The following SLC12A7 variants were observed in gnomAD, a reference collection of about 807,000 sequenced individuals.
The protein encoded by SLC12A7 is K-Cl cotransporter 4.
In SLC12A7, 100 loss-of-function variants were observed where a neutral mutation model predicts 120.6. The ratio of observed to expected loss-of-function variants is 0.83; its 90% confidence interval spans 0.71 to 0.98. The LOEUF (loss-of-function observed/expected upper bound fraction) is 0.98. Ranked by LOEUF, SLC12A7 falls within the 50% of genes least tolerant of loss-of-function variation. The probability of loss-of-function intolerance (pLI) is 0.00; values close to 1 mark genes in which losing one functional copy is unlikely to be tolerated. For synonymous variants in SLC12A7, 760 were observed against 678.0 expected (o/e 1.12, Z -1.88); for missense variants, 1,373 against 1,548.1 (o/e 0.89, Z 1.90).
chr5:1,108,871 G>A (rs1742770415), intron 1 of SLC12A7, among the ~76,000 whole-genome samples: 1 of 152,172 alleles, frequency 6.6e-6, no homozygotes, highest in East Asian at 1.9e-4. Flanking sequence ...CACTGACCAC[G>A]CAACCGGGCC....
chr5:1,081,660 C>G lies in SLC12A7; in HGVS notation c.1214G>C (p.Arg405Pro). 1 of 1,613,130 alleles carries G rather than the reference C, an allele frequency of 6.2e-7. No homozygotes were observed. The highest frequency in any genetic ancestry group is 8.5e-7 in the Non-Finnish European group (1 of 1,179,968). The change falls in exon 9 of 24, where the codon CGT becomes CCT. Residue 405 changes from arginine to proline, a missense_variant. By Grantham distance (103) the Arg-to-Pro change is moderately radical (BLOSUM62 -2). Coordinates refer to ENST00000264930, the MANE Select transcript of SLC12A7 (RefSeq NM_006598.3). ...VPSVPVAEES[R>P]ASALPYVLTD... ...GAGCACGTAGGGCAGTGCGCTGGCA[C>G]GGCTCTCCTCTGCCACGGGCACCGA...
chr5:1,065,788 C>G (rs1579335733), intron 17 of SLC12A7, among the ~76,000 whole-genome samples: 5 of 152,254 alleles, frequency 3.3e-5, no homozygotes, highest in South Asian at 4.1e-4. Context: ...ATCCCAGACC[C>G]ACCCCCAGTT....
At chr5:1,057,201 G>A in intron 22 of SLC12A7, 1 of 448,860 alleles carries the variant, frequency 2.2e-6, no homozygotes, top group Non-Finnish European at 3.9e-6. Flanking sequence ...GGACCCCTCA[G>A]CACTTGGCAC....
chr5:1,091,997 C>T (rs1471101353), intron 3 of SLC12A7, among the ~76,000 whole-genome samples: 3 of 152,216 alleles, frequency 2.0e-5, no homozygotes, highest in African/African-American at 7.2e-5. Context: ...AGAGATGCAG[C>T]TTCTGAAGAG....
upstream of SLC12A7, among the ~76,000 whole-genome samples, chr5:1,114,196 A>C (rs1176962123): frequency 6.6e-6 from 1 of 152,214 alleles, no homozygotes; most frequent in African/African-American, 2.4e-5. Context: ...AATCTTGACT[A>C]GGACCAGGGG....
In SLC12A7 at chr5:1,051,301, G is replaced by A. The variant is rs547880862; in HGVS notation, c.*1059C>T. The A allele has an allele frequency of 5.4e-6, 1 of 183,884 alleles. No homozygotes were observed. Among genetic ancestry groups the A allele is most frequent in the East Asian group, 1.3e-4 (1 of 7,866 alleles). 11.4% of individuals were successfully genotyped at this position (183,884 alleles called of 1,614,324 possible). ...TGCTGCCTGAGGACCTCCCACGTCG[G>A]GTCCGTGTCCTCCTTCCCTGGAGCA... is the stretch of plus-strand genomic sequence containing the variant. On this transcript the variant is annotated 3_prime_UTR_variant, in exon 24 of 24. Coordinates refer to ENST00000264930, the MANE Select transcript of SLC12A7 (RefSeq NM_006598.3).
chr5:1,079,702 G>A lies in SLC12A7; in HGVS notation c.1298-206C>T, dbSNP rs371925851. 2.9e-3 allele frequency among the ~76,000 whole-genome samples: 441 copies of A among 152,282 alleles called. 3 individuals are homozygous for A. Among genetic ancestry groups the A allele is most frequent in the African/African-American group, 9.7e-3 (403 of 41,544 alleles). On this transcript the variant is annotated intron_variant, in intron 9 of 23. Coordinates refer to ENST00000264930, the MANE Select transcript of SLC12A7 (RefSeq NM_006598.3). The stretch of plus-strand genomic sequence containing the variant: ...CCCAGGCACGCGGATGAGCACCCAC[G>A]TCTACTGCTCCCCTGGATCCGAGGA...
At position 1,073,851 on chromosome 5, in the gene SLC12A7, C is replaced by T. The variant is rs180844221; in HGVS notation, c.2073-50G>A. On this transcript the variant is annotated intron_variant, in intron 16 of 23. Transcript: ENST00000264930. ...TACCACGGCAACGCTTACCAGGGCACGGCCCATCAACAGGCAGGGCAGATG... is the reference window on the plus strand; with the variant it reads ...TACCACGGCAACGCTTACCAGGGCATGGCCCATCAACAGGCAGGGCAGATG... 1,096 of 1,343,130 alleles carry T rather than the reference C, an allele frequency of 8.2e-4. 9 individuals are homozygous for T. The highest frequency in any genetic ancestry group is 7.5e-3 in the South Asian group (319 of 42,408). 83.2% of individuals were successfully genotyped at this position (1,343,130 alleles called of 1,614,324 possible). A position where few individuals can be genotyped will look rare whatever the true frequency, so the allele number is the denominator to read the frequency against.
At chr5:1,097,901 G>A (rs2150890956) in intron 1 of SLC12A7, among the ~76,000 whole-genome samples, 1 of 151,840 alleles carries the variant, frequency 6.6e-6, no homozygotes, top group East Asian at 1.9e-4. Flanking sequence ...CAGCAAGCGT[G>A]CTCTCAGCAG....
intron 10 of SLC12A7, 108 bp from the exon 11 acceptor site, chr5:1,078,866 C>A (rs1738671600): frequency 2.7e-6 from 2 of 738,298 alleles, no homozygotes; most frequent in Non-Finnish European, 4.7e-6. Context: ...GGCCAGCGGG[C>A]CGCAGGATCC....
chr5:1,123,626 T>A, the SLC12A7 span, among the ~76,000 whole-genome samples: 1 of 152,328 alleles, frequency 6.6e-6, no homozygotes, highest in South Asian at 2.1e-4. Flanking sequence ...AAGTGGGCGT[T>A]CCCCGCTGAG....
At chr5:1,155,794 G>C in the SLC12A7 span, among the ~76,000 whole-genome samples, 1 of 150,738 alleles carries the variant, frequency 6.6e-6, no homozygotes, top group Non-Finnish European at 1.5e-5. Context: ...GGGGTGGGGC[G>C]CTGGCTGTCG....
chr5:1,085,208 C>T (rs369397217), intron 7 of SLC12A7, 24 bp downstream of exon 7: 160 of 1,609,214 alleles, frequency 9.9e-5, no homozygotes, highest in African/African-American at 6.9e-4. Context: ...CACCCACCCA[C>T]GGCTCAGAGG....
At chr5:1,130,594 A>G in the SLC12A7 span, among the ~76,000 whole-genome samples, 48 of 140,216 alleles carry the variant, frequency 3.4e-4, no homozygotes, top group South Asian at 9.4e-4. Context: ...CTGCCCGCGC[A>G]GGTCCCCTCA....
intron 1 of SLC12A7, among the ~76,000 whole-genome samples, chr5:1,107,547 C>A (rs1488687860): frequency 6.6e-6 from 1 of 152,232 alleles, no homozygotes; most frequent in Non-Finnish European, 1.5e-5. Flanking sequence ...CTGGCAAGGT[C>A]TCCGACATTC....
chr5:1,084,012 C>A, intron 7 of SLC12A7, 56 bp from the exon 8 acceptor site: 1 of 1,481,368 alleles, frequency 6.8e-7, no homozygotes, highest in East Asian at 2.3e-5. Flanking sequence ...GCTTTTACTG[C>A]CCCACCCAGC....
chr5:1,052,554 G>C (rs946090618), intron 23 of SLC12A7, 103 bp from the exon 24 acceptor site: 3 of 1,013,176 alleles, frequency 3.0e-6, no homozygotes, highest in African/African-American at 1.6e-5. Flanking sequence ...GCTAAGATTT[G>C]GTTTGAGAAA....
chr5:1,135,659 C>T, the SLC12A7 span, among the ~76,000 whole-genome samples: 4 of 152,316 alleles, frequency 2.6e-5, no homozygotes, highest in Middle Eastern at 6.8e-3. Flanking sequence ...TGATGCCACA[C>T]GCAGCTTCAG....
At chr5:1,083,715 C>G (rs759894821) in intron 8 of SLC12A7, 30 bp downstream of exon 8, 2 of 1,607,246 alleles carry the variant, frequency 1.2e-6, no homozygotes, top group Non-Finnish European at 1.7e-6. Flanking sequence ...CGCCACCCCC[C>G]AGCTCCAGCT....
Sources: gnomAD v4.1 joint callset for allele counts (sites outside exome capture counted in the v4.1 genomes callset) on GRCh38, gnomAD v4.1.1 for gene constraint, MANE v1.5 for transcripts, NCBI Gene and HGNC (gene_info 2026-07-23, HGNC 2026-07-21) for gene names.